ZFHX3: variants seen among roughly 807,000 people sequenced by gnomAD.
ZFHX3 encodes the protein zinc finger homeobox 3.
In ZFHX3, 42 loss-of-function variants were observed where a neutral mutation model predicts 279.1. The ratio of observed to expected loss-of-function variants is 0.15; its 90% CI spans 0.12 to 0.19. The LOEUF (loss-of-function observed/expected upper bound fraction) is 0.19, where lower values mean the gene tolerates loss of function less well. Ranked by LOEUF, ZFHX3 falls within the 10% of genes least tolerant of loss-of-function variation. ZFHX3 has a pLI of 1.00. For synonymous variants in ZFHX3, 2,293 were observed against 1,957.8 expected, an observed-to-expected ratio of 1.17 and a Z score of -4.52; for missense variants, 4,981 against 4,754.0, an observed-to-expected ratio of 1.05 and a Z score of -1.40.
chr16:73,226,515 C>A (rs775122129), intron 5 of ZFHX3, among the ~76,000 whole-genome samples: 4 of 152,224 alleles, frequency 2.6e-5, no homozygotes, highest in Admixed American at 6.5e-5. Context: ...GTTTTCACTG[C>A]TGGGCCTGAA....
chr16:72,870,832 T>C (rs1016846635), intron 4 of ZFHX3, among the ~76,000 whole-genome samples: 1 of 152,126 alleles, frequency 6.6e-6, no homozygotes, highest in African/African-American at 2.4e-5. Flanking sequence ...ATAAGGACTA[T>C]AATAACCTAA....
At position 72,795,607 on chromosome 16, in the gene ZFHX3, C is replaced by T. The variant is rs749875279; in HGVS notation, c.7075G>A (p.Gly2359Arg). Reference protein sequence around the residue: ...KLCYKDEDEEGQDDSQNEDSM... With the variant: ...KLCYKDEDEERQDDSQNEDSM... ...TCCTCATTTTGGCTGTCGTCCTGCC[C>T]CTCCTCATCCTCATCCTTGTAACAC... The change falls in exon 9 of 10, where the codon GGG (glycine) becomes AGG (arginine). Residue 2359 changes from glycine (G) to arginine (R), a missense_variant. By Grantham distance (125) the Gly-to-Arg change is moderately radical. Around this residue, in one of 7 missense-constraint regions of ZFHX3, gnomAD observed 744 missense variants for 701.3 expected, o/e 1.06. Transcript: ENST00000268489. 3 of 1,613,724 alleles carry T rather than the reference C, an allele frequency of 1.9e-6. No homozygotes were observed. Among genetic ancestry groups the T allele is most frequent in the African/African-American group, 2.7e-5 (2 of 74,968 alleles).
intron 5 of ZFHX3, among the ~76,000 whole-genome samples, chr16:73,158,253 A>G (rs930409744): frequency 6.6e-6 from 1 of 152,138 alleles, no homozygotes; most frequent in Non-Finnish European, 1.5e-5. Context: ...ACAGTGTTGA[A>G]ATCTAACCCA....
At position 72,812,002 on chromosome 16, in the gene ZFHX3, G is replaced by C. The variant is rs1264598448; in HGVS notation, c.3566C>G (p.Ser1189Cys). Residue 1189 changes from serine (S) to cysteine (C), a missense_variant, in exon 6 of 10, where the codon TCT becomes TGT. By Grantham distance (112) the Ser-to-Cys change is moderately radical. Around this residue, in one of 7 missense-constraint regions of ZFHX3, gnomAD observed 1,751 missense variants for 1,770.0 expected, o/e 0.99. Transcript: ENST00000268489. ...SSQAEKELTD[S>C]PATSKRISFP... ...GGAGATGCGTTTGGAGGTTGCAGGA[G>C]AATCTGTCAGCTCCTTCTCTGCTTG... 2.5e-6 allele frequency: 4 copies of C among 1,614,080 alleles called. No individual in the cohort carries two copies. In the Admixed American group the frequency reaches 5.0e-5, roughly 20 times the overall value.
chr16:72,810,155 A>G (rs907193244), intron 7 of ZFHX3, among the ~76,000 whole-genome samples: 2 of 150,512 alleles, frequency 1.3e-5, no homozygotes, highest in Non-Finnish European at 2.9e-5. Context: ...AAGTGCTGGG[A>G]TTACAGGTGT....
chr16:73,341,730 T>C (rs1301761932), intron 3 of ZFHX3, among the ~76,000 whole-genome samples: 2 of 152,230 alleles, frequency 1.3e-5, no homozygotes, highest in African/African-American at 4.8e-5. Flanking sequence ...AGATGGTATA[T>C]ATACACAATG....
At chr16:73,001,195 T>C (rs1265755233) in intron 1 of ZFHX3, among the ~76,000 whole-genome samples, 5 of 152,208 alleles carry the variant, frequency 3.3e-5, no homozygotes, top group African/African-American at 1.2e-4. Context: ...AAGTGCCCCA[T>C]TGTGAGCTGC....
intron 5 of ZFHX3, among the ~76,000 whole-genome samples, chr16:73,154,416 A>T (rs1597187975): frequency 6.6e-6 from 1 of 152,138 alleles, no homozygotes; most frequent in African/African-American, 2.4e-5. Flanking sequence ...ACAGGCGGCC[A>T]CTGGACAGTC....
intron 3 of ZFHX3, among the ~76,000 whole-genome samples, chr16:73,373,169 A>G (rs2016662141): frequency 6.6e-6 from 1 of 151,934 alleles, no homozygotes; most frequent in Non-Finnish European, 1.5e-5. Context: ...CAAAGTCTCC[A>G]GATCCATTTT....
chr16:73,228,793 C>T (rs1346980024), intron 5 of ZFHX3, among the ~76,000 whole-genome samples: 2 of 152,130 alleles, frequency 1.3e-5, no homozygotes, highest in East Asian at 3.9e-4. Flanking sequence ...AGACCAGAAC[C>T]TGGGATTACG....
chr16:73,484,273 G>A (rs185074023), intron 2 of ZFHX3, among the ~76,000 whole-genome samples: 171 of 152,232 alleles, frequency 1.1e-3, no homozygotes, highest in South Asian at 5.8e-3. Flanking sequence ...AGCATAGCTG[G>A]GCTTTATCCT....
chr16:73,225,617 T>A (rs150949761), intron 5 of ZFHX3, among the ~76,000 whole-genome samples: 1 of 152,122 alleles, frequency 6.6e-6, no homozygotes, highest in East Asian at 1.9e-4. Flanking sequence ...AATAAAAAAA[T>A]TGAAAAGATT....
chr16:73,742,696 G>A (rs1046500015), intron 1 of ZFHX3, among the ~76,000 whole-genome samples: 4 of 152,194 alleles, frequency 2.6e-5, no homozygotes, highest in African/African-American at 9.6e-5. Context: ...AGTAACCACT[G>A]CAAAAAGATT....
intron 2 of ZFHX3, among the ~76,000 whole-genome samples, chr16:73,577,341 G>C (rs1342487123): frequency 6.6e-6 from 1 of 151,948 alleles, no homozygotes; most frequent in Non-Finnish European, 1.5e-5. Context: ...AATGGCACAC[G>C]GTCCTGGTTC....
intron 3 of ZFHX3, among the ~76,000 whole-genome samples, chr16:73,427,958 C>T (rs1465556041): frequency 2.0e-5 from 3 of 151,718 alleles, no homozygotes; most frequent in Non-Finnish European, 4.4e-5. Context: ...GAAAAAAAAC[C>T]GAAACAGGTA....
chr16:73,002,193 T>G (rs1294343101), intron 1 of ZFHX3, among the ~76,000 whole-genome samples: 4 of 152,212 alleles, frequency 2.6e-5, no homozygotes, highest in Non-Finnish European at 5.9e-5. Flanking sequence ...GGATAGCACG[T>G]GACTCTTTAG....
chr16:73,092,589 T>A (rs1165921358), intron 8 of ZFHX3: 1 of 231,798 alleles, frequency 4.3e-6, no homozygotes, highest in Non-Finnish European at 8.5e-6. Flanking sequence ...CTATGAACTG[T>A]TCCAGTACGT....
At chr16:73,049,714 G>A (rs76255617), upstream of ZFHX3, among the ~76,000 whole-genome samples, 1,009 of 152,268 alleles carry the variant, frequency 6.6e-3, 14 homozygotes, top group African/African-American at 0.023. Flanking sequence ...CACGGGGGCC[G>A]GGTGGGGGGA....
chr16:73,390,810 C>G (rs779935946), intron 3 of ZFHX3, among the ~76,000 whole-genome samples: 8 of 151,956 alleles, frequency 5.3e-5, no homozygotes, highest in South Asian at 2.1e-4. Flanking sequence ...CCACTTCTCC[C>G]CCTGGTGTAC....
Sources: allele counts gnomAD v4.1 joint callset (sites outside exome capture counted in the v4.1 genomes callset), GRCh38; gene constraint gnomAD v4.1.1; regional missense constraint gnomAD v4.1.1; transcripts MANE v1.5; gene names NCBI Gene and HGNC (gene_info 2026-07-23, HGNC 2026-07-21).